ESR1: variants seen among roughly 807,000 people sequenced by gnomAD.
The protein encoded by ESR1 is estrogen receptor 1.
ESR1 carries 12 observed loss-of-function variants against 52.7 expected under a neutral mutation model. That is an observed-to-expected ratio of 0.23 (90% CI 0.15 to 0.37). The LOEUF is 0.37. Among genes scored for constraint, ESR1 ranks in the 10% least tolerant of loss-of-function variants. ESR1 has a pLI of 1.00. For missense variants in ESR1, 584 were observed against 779.7 expected, an observed-to-expected ratio of 0.75 and a Z score of 2.99; for synonymous variants, 305 against 316.8, an observed-to-expected ratio of 0.96 and a Z score of 0.39.
chr6:151,784,318 A>G (rs1289504473), intron 2 of ESR1, among the ~76,000 whole-genome samples: 1 of 152,046 alleles, frequency 6.6e-6, no homozygotes. Flanking sequence ...AGCTTCATGG[A>G]TATTTATTTT....
chr6:151,843,954 C>T (rs1443897766), intron 2 of ESR1, among the ~76,000 whole-genome samples: 1 of 150,596 alleles, frequency 6.6e-6, no homozygotes, highest in Non-Finnish European at 1.5e-5. Flanking sequence ...AATCGAGTAG[C>T]ATGTGAGGTC....
upstream of ESR1, among the ~76,000 whole-genome samples, chr6:151,799,513 A>G (rs902998848): frequency 2.6e-5 from 4 of 152,222 alleles, no homozygotes; most frequent in African/African-American, 9.6e-5. Context: ...TTACAAGTTC[A>G]TTGTTCAAAT....
intron 2 of ESR1, chr6:151,702,037 C>G (rs1435635516): frequency 6.6e-6 from 1 of 152,208 alleles, no homozygotes; most frequent in African/African-American, 2.4e-5. Flanking sequence ...TCCTCTTTCT[C>G]TCTCCTGACT....
intron 2 of ESR1, among the ~76,000 whole-genome samples, chr6:151,753,943 A>C (rs1408407925): frequency 6.6e-6 from 1 of 152,194 alleles, no homozygotes; most frequent in Non-Finnish European, 1.5e-5. Context: ...GGGAAGAAAT[A>C]GAATTTTATG....
chr6:151,743,061 C>T (rs894148237), intron 2 of ESR1, among the ~76,000 whole-genome samples: 6 of 152,154 alleles, frequency 3.9e-5, no homozygotes, highest in South Asian at 4.1e-4. Flanking sequence ...TAGATCTGGA[C>T]GTCGGTCCAA....
rs2052484398 is a variant in ESR1, at chr6:152,124,138, C to T, written c.851-1128C>T. Among the ~76,000 whole-genome samples the T allele has an allele frequency of 2.6e-5, 4 of 152,228 alleles. No individual in the cohort carries two copies. In the South Asian group the frequency reaches 8.3e-4, roughly 32 times the overall value. ...CAGGAGTTCAAGCCAGCCTGGCCAA[C>T]ATGGTAAAAATACAAAAATTAGTCA... is the stretch of plus-strand genomic sequence containing the variant. On this transcript the variant is annotated intron_variant, in intron 6 of 6. Coordinates refer to the ESR1 transcript ENST00000427531.
At chr6:152,023,185 G>A (rs149317961) in intron 5 of ESR1, among the ~76,000 whole-genome samples, 43 of 152,140 alleles carry the variant, frequency 2.8e-4, no homozygotes, top group African/African-American at 1.0e-3. Flanking sequence ...GAGAAAATGG[G>A]GGTGGAATAT....
chr6:151,884,448 A>C (rs1793492084), intron 3 of ESR1, among the ~76,000 whole-genome samples: 1 of 152,212 alleles, frequency 6.6e-6, no homozygotes, highest in African/African-American at 2.4e-5. Flanking sequence ...CACTTTCTTA[A>C]CCAGGCTGGT....
chr6:151,668,365 G>A (rs970077552), intron 1 of ESR1, among the ~76,000 whole-genome samples: 3 of 151,792 alleles, frequency 2.0e-5, no homozygotes, highest in Admixed American at 6.6e-5. Context: ...TGCAAGCTCC[G>A]CCTCCTGGGT....
chr6:151,904,200 A>G (rs886363364), intron 3 of ESR1, among the ~76,000 whole-genome samples: 3 of 152,218 alleles, frequency 2.0e-5, no homozygotes, highest in African/African-American at 7.2e-5. Context: ...TAGTAATCTG[A>G]AGCATAAAAC....
rs1007618984 is a variant in ESR1, at chr6:152,100,349, T to C, written c.*1383T>C. On this transcript the variant is annotated 3_prime_UTR_variant, in exon 8 of 8. Transcript: ENST00000206249. Reference sequence around the variant, plus strand: ...GGGCCTGGTCAGATTACGTATGCCCTTGGTGGTTTAGAGATAATCCAAAAT... The same window carrying C: ...GGGCCTGGTCAGATTACGTATGCCCCTGGTGGTTTAGAGATAATCCAAAAT... 1.7e-5 allele frequency: 6 copies of C among 362,710 alleles called. No homozygotes were observed. The highest frequency in any genetic ancestry group is 3.0e-5 in the Non-Finnish European group (6 of 203,216). 22.5% of individuals were successfully genotyped at this position (362,710 alleles called of 1,614,324 possible). A position where few individuals can be genotyped will look rare whatever the true frequency, so the allele number is the denominator to read the frequency against.
chr6:152,007,081 T>C (rs1659596177), intron 4 of ESR1, among the ~76,000 whole-genome samples: 1 of 152,074 alleles, frequency 6.6e-6, no homozygotes, highest in South Asian at 2.1e-4. Context: ...GGATTTAGAT[T>C]ATATTAGTCA....
intron 2 of ESR1, among the ~76,000 whole-genome samples, chr6:151,710,520 A>G (rs1032493801): frequency 5.9e-5 from 9 of 152,160 alleles, no homozygotes; most frequent in Non-Finnish European, 1.3e-4. Flanking sequence ...TTTTTGACCT[A>G]CAAAAGCAAC....
chr6:152,032,613 A>G (rs1005448615), intron 5 of ESR1, among the ~76,000 whole-genome samples: 1 of 152,208 alleles, frequency 6.6e-6, no homozygotes, highest in Non-Finnish European at 1.5e-5. Context: ...AAGGAGAACT[A>G]CAAACCACTG....
chr6:152,096,807 C>T, intron 7 of ESR1: 2 of 363,296 alleles, frequency 5.5e-6, no homozygotes, highest in Admixed American at 5.8e-5. Context: ...GGATTAGATG[C>T]CAAAATCCCT....
chr6:152,083,461 C>G lies in ESR1; in HGVS notation c.1370-10924C>G, dbSNP rs185652016. Among the ~76,000 whole-genome samples, 301 of 152,202 alleles carry G rather than the reference C, an allele frequency of 2.0e-3. 3 individuals are homozygous for G. Among genetic ancestry groups the G allele is most frequent in the African/African-American group, 6.8e-3 (282 of 41,536 alleles). ...CTTCCTTACACTGTATACAAAAATT[C>G]GCTCAAGAAGGATTAAAGACTTAAA... On this transcript the variant is annotated intron_variant, in intron 6 of 7. Transcript: ENST00000206249.
At chr6:151,972,870 A>G (rs2039051679) in intron 4 of ESR1, among the ~76,000 whole-genome samples, 1 of 152,214 alleles carries the variant, frequency 6.6e-6, no homozygotes, top group South Asian at 2.1e-4. Flanking sequence ...CTGTGGTTGA[A>G]GGTATAAGAG....
chr6:151,922,105 A>C (rs1359438796), intron 3 of ESR1, among the ~76,000 whole-genome samples: 3 of 152,156 alleles, frequency 2.0e-5, no homozygotes, highest in African/African-American at 7.2e-5. Context: ...GTACTGGTAC[A>C]AATACAGACA....
chr6:151,846,365 C>A (rs990296844), intron 2 of ESR1, among the ~76,000 whole-genome samples: 1 of 152,152 alleles, frequency 6.6e-6, no homozygotes, highest in Non-Finnish European at 1.5e-5. Context: ...GGAAATACCA[C>A]AACAAGTTTA....
Sources: allele counts gnomAD v4.1 joint callset (sites outside exome capture counted in the v4.1 genomes callset), GRCh38; gene constraint gnomAD v4.1.1; transcripts MANE v1.5; gene names NCBI Gene and HGNC (gene_info 2026-07-23, HGNC 2026-07-21).